Variants in TRPC3 observed in about 807,000 individuals in gnomAD.
TRPC3 encodes the protein transient receptor potential cation channel subfamily C member 3.
In TRPC3, 54 loss-of-function variants were observed where a neutral mutation model predicts 90.9. The ratio of observed to expected loss-of-function variants is 0.59; its 90% confidence interval spans 0.48 to 0.75. The LOEUF is 0.75. Among genes scored for constraint, TRPC3 ranks in the 30% least tolerant of loss-of-function variants. The pLI, the probability that TRPC3 is intolerant of heterozygous loss-of-function variation, is 0.00. For missense variants in TRPC3, 918 were observed against 1,194.5 expected (o/e 0.77, Z 3.41); for synonymous variants, 424 against 450.9 (o/e 0.94, Z 0.75).
chr4:121,914,630 C>T, intron 4 of TRPC3, 150 bp downstream of exon 4: 1 of 831,380 alleles, frequency 1.2e-6, no homozygotes, highest in Non-Finnish European at 1.7e-6. Flanking sequence ...TTGAATTGAT[C>T]CAGTAATTAA....
Position 121,877,430 on chromosome 4 carries a change from C to G in TRPC3, c.*2306G>C, listed in dbSNP as rs1455847968. On this transcript the variant is annotated 3_prime_UTR_variant, in exon 12 of 12. Transcript: ENST00000379645. ...CCCCATCTTGAGACAAGGGGCCAGC[C>G]CTTTGTGCCCCCACCCATCAGTCAC... is the stretch of plus-strand genomic sequence containing the variant. 6.6e-6 allele frequency among the ~76,000 whole-genome samples: 1 copy of G among 152,152 alleles called. No homozygotes were observed. Among genetic ancestry groups the G allele is most frequent in the Non-Finnish European group, 1.5e-5 (1 of 68,026 alleles).
chr4:121,930,704 AAT>A (rs776292283), intron 2 of TRPC3: 52 of 286,680 alleles, frequency 1.8e-4, no homozygotes, highest in Non-Finnish European at 3.4e-4. Flanking sequence ...GTGGCAAATA[AAT>A]ATGTTTAGAA....
At chr4:121,939,998 C>T (rs1460337398) in intron 1 of TRPC3, among the ~76,000 whole-genome samples, 1 of 152,196 alleles carries the variant, frequency 6.6e-6, no homozygotes, top group Non-Finnish European at 1.5e-5. Context: ...TCCAAATAAA[C>T]ATTTACTTTA....
intron 1 of TRPC3, among the ~76,000 whole-genome samples, chr4:121,934,072 C>T (rs1272148015): frequency 6.6e-6 from 1 of 152,158 alleles, no homozygotes; most frequent in East Asian, 1.9e-4. Flanking sequence ...GCACTGAAAT[C>T]CTAACACAAC....
At chr4:121,895,154 A>G (rs947084960) in intron 10 of TRPC3, among the ~76,000 whole-genome samples, 1 of 152,166 alleles carries the variant, frequency 6.6e-6, no homozygotes, top group Admixed American at 6.5e-5. Flanking sequence ...CCCATGCAAC[A>G]CAGCAAAAGC....
At chr4:121,950,884 G>A (rs189635302) in intron 1 of TRPC3, 2 of 152,588 alleles carry the variant, frequency 1.3e-5, no homozygotes, top group Non-Finnish European at 2.9e-5. Context: ...GAGGCGCCTG[G>A]GCAAACCTTC....
At chr4:121,931,798 G>A (rs751698114) in intron 2 of TRPC3, among the ~76,000 whole-genome samples, 44 of 152,222 alleles carry the variant, frequency 2.9e-4, no homozygotes, top group Admixed American at 2.6e-4. Context: ...CGTGGAGATG[G>A]AATAGGAGCT....
At chr4:121,888,244 A>G (rs1467066714) in intron 10 of TRPC3, among the ~76,000 whole-genome samples, 1 of 152,140 alleles carries the variant, frequency 6.6e-6, no homozygotes, top group African/African-American at 2.4e-5. Flanking sequence ...TGTTTTGGAG[A>G]AAAAAACCCT....
chr4:121,941,149 G>C (rs942961315), intron 1 of TRPC3, among the ~76,000 whole-genome samples: 1 of 152,050 alleles, frequency 6.6e-6, no homozygotes, highest in African/African-American at 2.4e-5. Flanking sequence ...AGAACATTTT[G>C]GTTCTACAAA....
chr4:121,875,503 C>T lies in TRPC3; in HGVS notation c.*4233G>A, dbSNP rs977058013. On this transcript the variant is annotated 3_prime_UTR_variant, in exon 12 of 12. Transcript: ENST00000379645. Reference sequence around the variant, plus strand: ...ATAAAGAAAATGTCAAGTTAAATTACCACTGTGTGTCCTCTTTTTAAAGAT... The same window carrying T: ...ATAAAGAAAATGTCAAGTTAAATTATCACTGTGTGTCCTCTTTTTAAAGAT... 2.0e-5 allele frequency among the ~76,000 whole-genome samples: 3 copies of T among 151,936 alleles called. No homozygotes were observed. Among genetic ancestry groups the T allele is most frequent in the Admixed American group, 6.6e-5 (1 of 15,246 alleles).
Position 121,899,599 on chromosome 4 carries a change from A to C in TRPC3, c.2547+13T>G. The C allele has an allele frequency of 1.2e-6, 2 of 1,608,206 alleles. No homozygotes were observed. The highest frequency in any genetic ancestry group is 1.7e-6 in the Non-Finnish European group (2 of 1,174,978). On this transcript the variant is annotated intron_variant, in intron 10 of 11. Coordinates refer to ENST00000379645, the MANE Select transcript of TRPC3 (RefSeq NM_001130698.2). ...CACATAGAGATCAAGAGATACGTCT[A>C]ATGAATGCTTACCTGATAACGTGTT...
At chr4:121,901,467 T>C (rs968182519) in intron 9 of TRPC3, among the ~76,000 whole-genome samples, 3 of 152,230 alleles carry the variant, frequency 2.0e-5, no homozygotes, top group Non-Finnish European at 4.4e-5. Flanking sequence ...TACCCCACAC[T>C]GGTCAGTTAA....
intron 1 of TRPC3, among the ~76,000 whole-genome samples, chr4:121,948,528 A>G (rs1357869929): frequency 1.3e-5 from 2 of 152,154 alleles, no homozygotes; most frequent in African/African-American, 4.8e-5. Context: ...AATTACTGCT[A>G]CTTTAAAATA....
chr4:121,893,711 T>A (rs933930583), intron 10 of TRPC3, among the ~76,000 whole-genome samples: 1 of 152,066 alleles, frequency 6.6e-6, no homozygotes, highest in African/African-American at 2.4e-5. Context: ...AGACACACAA[T>A]AACCTGGTAA....
intron 2 of TRPC3, among the ~76,000 whole-genome samples, chr4:121,927,353 A>C (rs1250614785): frequency 6.6e-6 from 1 of 152,208 alleles, no homozygotes; most frequent in African/African-American, 2.4e-5. Context: ...CTCCTGAGAA[A>C]GTATCTCATT....
chr4:121,922,212 G>A (rs1379556597), intron 3 of TRPC3, among the ~76,000 whole-genome samples: 3 of 152,092 alleles, frequency 2.0e-5, no homozygotes, highest in Middle Eastern at 3.4e-3. Context: ...GTGAGCCACC[G>A]TGCCCGGCCA....
Position 121,894,700 on chromosome 4 carries a change from A to G in TRPC3, c.2547+4912T>C, listed in dbSNP as rs117465260. On this transcript the variant is annotated intron_variant, in intron 10 of 11. Coordinates refer to ENST00000379645, the MANE Select transcript of TRPC3 (RefSeq NM_001130698.2). The stretch of plus-strand genomic sequence containing the variant: ...TACCCCATCTTCCCAAGTATGTAGG[A>G]TTACAGGCATGTGCCACTATGCCTG... Among the ~76,000 whole-genome samples, 749 of 151,012 alleles carry G rather than the reference A, an allele frequency of 5.0e-3. 19 individuals are homozygous for G. Among genetic ancestry groups the G allele is most frequent in the East Asian group, 0.035 (178 of 5,088 alleles).
chr4:121,922,385 A>C (rs930785723), intron 3 of TRPC3, among the ~76,000 whole-genome samples: 1 of 152,232 alleles, frequency 6.6e-6, no homozygotes, highest in African/African-American at 2.4e-5. Flanking sequence ...TGAAGATTCC[A>C]AATCAAAGAC....
intron 3 of TRPC3, among the ~76,000 whole-genome samples, chr4:121,919,633 C>A (rs1729434468): frequency 6.6e-6 from 1 of 152,198 alleles, no homozygotes; most frequent in Admixed American, 6.5e-5. Context: ...CATTGCATTT[C>A]TTTAATTCTG....
Sources: allele counts gnomAD v4.1 joint callset (sites outside exome capture counted in the v4.1 genomes callset), GRCh38; gene constraint gnomAD v4.1.1; transcripts MANE v1.5; gene names NCBI Gene and HGNC (gene_info 2026-07-23, HGNC 2026-07-21).